Variants in TANC1 observed in about 807,000 individuals in gnomAD.
TANC1 encodes the protein protein TANC1.
In TANC1, 77 loss-of-function variants were observed where a neutral mutation model predicts 149.7. That is an observed-to-expected ratio of 0.51 (90% CI 0.43 to 0.62). The LOEUF (loss-of-function observed/expected upper bound fraction) is 0.62. Ranked by LOEUF, TANC1 falls within the 20% of genes least tolerant of loss-of-function variation. The probability of loss-of-function intolerance (pLI) is 0.00; values close to 1 mark genes in which losing one functional copy is unlikely to be tolerated. For missense variants in TANC1, 1,985 were observed against 2,321.8 expected (o/e 0.85, Z 2.98); for synonymous variants, 854 against 925.0 (o/e 0.92, Z 1.39).
At chr2:158,987,067 G>C (rs1420423090) in intron 1 of TANC1, among the ~76,000 whole-genome samples, 1 of 151,388 alleles carries the variant, frequency 6.6e-6, no homozygotes, top group Non-Finnish European at 1.5e-5. Flanking sequence ...TACAAAAATT[G>C]GTCAGGCGTC....
intron 15 of TANC1, among the ~76,000 whole-genome samples, chr2:159,186,436 T>C (rs530756421): frequency 6.6e-6 from 1 of 152,322 alleles, no homozygotes; most frequent in South Asian, 2.1e-4. Flanking sequence ...TGTCATTTAT[T>C]CTTCCTCTAA....
At chr2:159,123,429 G>C (rs192391279) in intron 4 of TANC1, among the ~76,000 whole-genome samples, 14 of 152,214 alleles carry the variant, frequency 9.2e-5, no homozygotes, top group Non-Finnish European at 1.6e-4. Context: ...GGGTCGTGGA[G>C]CACCTTCTAA....
In TANC1 at chr2:159,225,632, T is replaced by C; in HGVS notation, c.3812-56T>C. On this transcript the variant is annotated intron_variant, in intron 23 of 26. Coordinates refer to ENST00000263635, the MANE Select transcript of TANC1 (RefSeq NM_033394.3). ...TCCAGCCGTGGGGCCACGGAGGAATTGGGATCCTTTCCGCAGGGCCTCTGA... is the reference window on the plus strand; with the variant it reads ...TCCAGCCGTGGGGCCACGGAGGAATCGGGATCCTTTCCGCAGGGCCTCTGA... 4.2e-6 allele frequency: 6 copies of C among 1,427,318 alleles called. No individual in the cohort carries two copies. The South Asian group carries it at 6.9e-5, about 16-fold the overall frequency. 88.4% of individuals were successfully genotyped at this position (1,427,318 alleles called of 1,614,324 possible).
intron 4 of TANC1, among the ~76,000 whole-genome samples, chr2:159,128,194 C>G (rs973291544): frequency 6.6e-6 from 1 of 152,176 alleles, no homozygotes. Context: ...AGTAGTGACT[C>G]AAATCACACT....
intron 3 of TANC1, among the ~76,000 whole-genome samples, chr2:159,095,007 G>A (rs943178192): frequency 6.6e-6 from 1 of 151,852 alleles, no homozygotes; most frequent in African/African-American, 2.4e-5. Flanking sequence ...GTGCAGTGGT[G>A]TGATCTCGGC....
At chr2:159,024,280 T>C (rs891249301) in intron 2 of TANC1, among the ~76,000 whole-genome samples, 2 of 152,216 alleles carry the variant, frequency 1.3e-5, no homozygotes, top group African/African-American at 4.8e-5. Flanking sequence ...AATGTTATAG[T>C]GCAGTTACCT....
At chr2:159,166,649 A>G (rs1331297555) in intron 8 of TANC1, among the ~76,000 whole-genome samples, 5 of 152,206 alleles carry the variant, frequency 3.3e-5, no homozygotes, top group Admixed American at 6.5e-5. Context: ...TGACTTTTGC[A>G]TAGGTAACAA....
intron 1 of TANC1, among the ~76,000 whole-genome samples, chr2:158,975,010 C>CA (rs1035691738): frequency 1.3e-5 from 2 of 148,600 alleles, no homozygotes; most frequent in African/African-American, 5.0e-5. Flanking sequence ...CTTGGCCTCT[C>CA]AAAGTGCTGG....
rs143272930 is a variant in TANC1 at position 159,151,231 on chromosome 2, A to G, written c.682+675A>G. Among the ~76,000 whole-genome samples, 849 of 152,306 alleles carry G rather than the reference A, an allele frequency of 5.6e-3. 12 individuals carry two copies. The highest frequency in any genetic ancestry group is 0.019 in the African/African-American group (794 of 41,556). ...GATTAATCCAGTAGTTTTCAGTCCC[A>G]GGTTTGTATTAGAATCATCCATGGA... is the stretch of plus-strand genomic sequence containing the variant. On this transcript the variant is annotated intron_variant, in intron 7 of 26. Coordinates refer to ENST00000263635, the MANE Select transcript of TANC1 (RefSeq NM_033394.3).
At chr2:159,019,983 A>C (rs1273464545) in intron 2 of TANC1, among the ~76,000 whole-genome samples, 1 of 152,194 alleles carries the variant, frequency 6.6e-6, no homozygotes, top group Admixed American at 6.5e-5. Context: ...CCAAGAGTTC[A>C]CAGAAAATCT....
At chr2:159,059,522 TAAAA>T (rs141438734) in intron 2 of TANC1, among the ~76,000 whole-genome samples, 1 of 147,548 alleles carries the variant, frequency 6.8e-6, no homozygotes, top group African/African-American at 2.5e-5. Flanking sequence ...ACCAAATATA[TAAAA>T]AAAAAAGAAG....
intron 4 of TANC1, among the ~76,000 whole-genome samples, chr2:159,115,266 A>G (rs1305135040): frequency 1.3e-5 from 2 of 152,038 alleles, no homozygotes; most frequent in Non-Finnish European, 2.9e-5. Flanking sequence ...ATGTCCTATG[A>G]CAGAGTTAAG....
At chr2:159,172,395 T>C in intron 11 of TANC1, 123 bp downstream of exon 11, 1 of 883,650 alleles carries the variant, frequency 1.1e-6, no homozygotes, top group Non-Finnish European at 1.7e-6. Flanking sequence ...AGTATAGCTT[T>C]TAATGAAATA....
chr2:159,016,666 C>T lies in TANC1; in HGVS notation c.-16+15477C>T, dbSNP rs375228031. ...CTTGGCTCACTGCATGCTCTGCCTC[C>T]CGGGTTCATGCCATTTTCCTGCCTC... On this transcript the variant is annotated intron_variant, in intron 2 of 26. Coordinates refer to ENST00000263635, the MANE Select transcript of TANC1 (RefSeq NM_033394.3). Among the ~76,000 whole-genome samples the T allele has an allele frequency of 1.1e-3, 171 of 151,810 alleles. 1 individual carries two copies. Among genetic ancestry groups the T allele is most frequent in the African/African-American group, 4.0e-3 (166 of 41,330 alleles).
intron 5 of TANC1, 92 bp downstream of exon 5, chr2:159,136,390 C>T: frequency 1.3e-6 from 1 of 767,712 alleles, no homozygotes; most frequent in Non-Finnish European, 2.3e-6. Context: ...CCTTGCAGTA[C>T]TGCTTTGCTG....
At chr2:159,138,188 A>T (rs2050963587) in intron 5 of TANC1, among the ~76,000 whole-genome samples, 2 of 152,108 alleles carry the variant, frequency 1.3e-5, no homozygotes, top group South Asian at 4.1e-4. Context: ...AAGTTATGAG[A>T]TCTATGGGCT....
At chr2:159,186,701 G>C in intron 15 of TANC1, 1 of 582,560 alleles carries the variant, frequency 1.7e-6, no homozygotes, top group Non-Finnish European at 3.0e-6. Flanking sequence ...CCTAGTGAAG[G>C]CAGGCTGGTT....
intron 17 of TANC1, among the ~76,000 whole-genome samples, chr2:159,195,696 G>T (rs1198222411): frequency 6.6e-6 from 1 of 152,216 alleles, no homozygotes; most frequent in African/African-American, 2.4e-5. Flanking sequence ...AGCCTTTGGG[G>T]TGGGTATGTT....
chr2:159,163,162 T>C, intron 7 of TANC1, 121 bp from the exon 8 acceptor site: 1 of 994,784 alleles, frequency 1.0e-6, no homozygotes, highest in Non-Finnish European at 1.5e-6. Context: ...CATACTTTGA[T>C]AAAAATCTGT....
Sources: gnomAD v4.1 joint callset for allele counts (sites outside exome capture counted in the v4.1 genomes callset) on GRCh38, gnomAD v4.1.1 for gene constraint, MANE v1.5 for transcripts, NCBI Gene and HGNC (gene_info 2026-07-23, HGNC 2026-07-21) for gene names.